Variants in SCTR observed in about 807,000 individuals in gnomAD.
SCTR encodes the protein secretin receptor.
In SCTR, 56 loss-of-function variants were observed where a neutral mutation model predicts 60.8. The ratio of observed to expected loss-of-function variants is 0.92; its 90% CI spans 0.74 to 1.15. The LOEUF (loss-of-function observed/expected upper bound fraction) is 1.15, where lower values mean the gene tolerates loss of function less well. SCTR is among the 50% of genes most tolerant of loss of function. The pLI is 0.00. For synonymous variants in SCTR, 202 were observed against 217.0 expected (o/e 0.93, Z 0.61); for missense variants, 562 against 550.4 (o/e 1.02, Z -0.21).
chr2:119,500,186 A>C (rs6728679), intron 1 of SCTR, among the ~76,000 whole-genome samples: 2 of 147,854 alleles, frequency 1.4e-5, no homozygotes, highest in African/African-American at 5.0e-5. Flanking sequence ...TAAAAAGTGT[A>C]GTCCTAAAAG....
In SCTR at chr2:119,504,367, C is replaced by T. The variant is rs544755908; in HGVS notation, c.73-9819G>A. Among the ~76,000 whole-genome samples, 38 of 152,066 alleles carry T rather than the reference C, an allele frequency of 2.5e-4. No individual in the cohort carries two copies. In the East Asian group the frequency reaches 5.0e-3, roughly 20 times the overall value. On this transcript the variant is annotated intron_variant, in intron 1 of 12. Transcript: ENST00000019103. ...CAGCACTTTGGGAGGCTGAGGCAGGCGGATCACCTGGGATCGGGAGTTCGA... is the reference window on the plus strand; with the variant it reads ...CAGCACTTTGGGAGGCTGAGGCAGGTGGATCACCTGGGATCGGGAGTTCGA...
At chr2:119,518,231 C>T (rs148617788) in intron 1 of SCTR, among the ~76,000 whole-genome samples, 1,939 of 152,116 alleles carry the variant, frequency 0.013, 23 homozygotes, top group South Asian at 0.045. Context: ...CTAAGACAGA[C>T]GGGAAGGAAA....
intron 1 of SCTR, among the ~76,000 whole-genome samples, chr2:119,521,956 A>C (rs1468928476): frequency 3.9e-5 from 6 of 152,212 alleles, no homozygotes; most frequent in Non-Finnish European, 5.9e-5. Context: ...ACTTATACAC[A>C]GGAAACCATC....
In SCTR at chr2:119,439,925, C is replaced by T. The variant is rs949662996; in HGVS notation, c.*192G>A. On this transcript the variant is annotated 3_prime_UTR_variant, in exon 13 of 13. Transcript: ENST00000019103. Reference sequence around the variant, plus strand: ...TCTCTTCCCAGAAGAGCAAACGAACCAAATCCCAGGCCCTTGTCCTGCCCC... The same window carrying T: ...TCTCTTCCCAGAAGAGCAAACGAACTAAATCCCAGGCCCTTGTCCTGCCCC... 1.7e-6 allele frequency: 1 copy of T among 582,766 alleles called. No individual in the cohort carries two copies. Among genetic ancestry groups the T allele is most frequent in the South Asian group, 2.6e-5 (1 of 38,112 alleles). The allele number at this position is 582,766 out of a possible 1,614,324, so 36.1% of individuals were successfully genotyped here.
intron 7 of SCTR, among the ~76,000 whole-genome samples, chr2:119,454,179 G>C (rs115228477): frequency 6.6e-6 from 1 of 152,130 alleles, no homozygotes; most frequent in African/African-American, 2.4e-5. Flanking sequence ...GGGCAATGCC[G>C]CTGGGGAAGT....
At chr2:119,440,437 T>C (rs568810343) in intron 12 of SCTR, among the ~76,000 whole-genome samples, 180 bp from the exon 13 acceptor site, 1 of 152,214 alleles carries the variant, frequency 6.6e-6, no homozygotes, top group East Asian at 1.9e-4. Flanking sequence ...CTACTGAGGG[T>C]CCCCTCTCTC....
At chr2:119,463,241 T>G (rs890144994) in intron 6 of SCTR, among the ~76,000 whole-genome samples, 1 of 152,160 alleles carries the variant, frequency 6.6e-6, no homozygotes, top group Non-Finnish European at 1.5e-5. Context: ...TGCGATTAAG[T>G]GTGGTTACAT....
chr2:119,491,869 G>A (rs1034167165), intron 2 of SCTR, among the ~76,000 whole-genome samples: 1 of 152,192 alleles, frequency 6.6e-6, no homozygotes, highest in Non-Finnish European at 1.5e-5. Flanking sequence ...TGGGGACAAT[G>A]GCAAAGGCTG....
In SCTR at chr2:119,473,507, G is replaced by A; in HGVS notation, c.351C>T (p.Pro117=). 6.2e-7 allele frequency: 1 copy of A among 1,614,098 alleles called. No individual in the cohort carries two copies. The highest frequency in any genetic ancestry group is 2.2e-5 in the East Asian group (1 of 44,890). ...CTQDGWSETF[P]RPNLACGVNV... Reference sequence around the variant, plus strand: ...TAACGCCACAGGCCAGATTAGGCCTGGGGAAGGTTTCTGACCAGCCATCCT... The same window carrying A: ...TAACGCCACAGGCCAGATTAGGCCTAGGGAAGGTTTCTGACCAGCCATCCT... The change falls in exon 4 of 13, where the codon CCC becomes CCT. Residue 117 remains proline, a synonymous_variant. Transcript: ENST00000019103.
chr2:119,444,477 ACG>A lies in SCTR; in HGVS notation c.1140+2280_1140+2281del, dbSNP rs1278818636. On this transcript the variant is annotated intron_variant, in intron 11 of 12. Transcript: ENST00000019103. ...CGTATATATATACACATATATACGT[ACG>A]TATATATATACACATATATACGTAC... Among the ~76,000 whole-genome samples the A allele has an allele frequency of 4.5e-5, 5 of 111,954 alleles. 2 individuals are homozygous for A. The highest frequency in any genetic ancestry group is 8.6e-5 in the Non-Finnish European group (5 of 58,328). The allele number at this position is 111,954 out of a possible 152,430, so 73.4% of individuals were successfully genotyped here. A position where few individuals can be genotyped will look rare whatever the true frequency, so the allele number is the denominator to read the frequency against.
intron 4 of SCTR, among the ~76,000 whole-genome samples, chr2:119,473,123 A>G (rs1210244025): frequency 6.6e-6 from 1 of 152,206 alleles, no homozygotes; most frequent in Non-Finnish European, 1.5e-5. Context: ...CAGACGCACC[A>G]GCCTTGCTCT....
chr2:119,495,013 C>A (rs1279596457), intron 1 of SCTR, among the ~76,000 whole-genome samples: 1 of 152,092 alleles, frequency 6.6e-6, no homozygotes, highest in African/African-American at 2.4e-5. Flanking sequence ...TAGCTCACTG[C>A]AGCCTTGATC....
chr2:119,504,036 A>G (rs899775873), intron 1 of SCTR, among the ~76,000 whole-genome samples: 2 of 152,222 alleles, frequency 1.3e-5, no homozygotes, highest in Non-Finnish European at 2.9e-5. Flanking sequence ...AGGTACAGTA[A>G]TCAAACAGGA....
intron 11 of SCTR, among the ~76,000 whole-genome samples, chr2:119,445,729 G>A (rs949007125): frequency 4.6e-5 from 7 of 152,082 alleles, no homozygotes; most frequent in Non-Finnish European, 7.4e-5. Context: ...GGCTTCTCCC[G>A]GCCGTTAGTT....
intron 1 of SCTR, among the ~76,000 whole-genome samples, chr2:119,509,487 G>A (rs1445322531): frequency 1.3e-5 from 2 of 152,122 alleles, no homozygotes; most frequent in Non-Finnish European, 2.9e-5. Flanking sequence ...ACTCTCTTGA[G>A]AGCAACAGAG....
At chr2:119,445,703 A>G (rs993260328) in intron 11 of SCTR, among the ~76,000 whole-genome samples, 2 of 152,224 alleles carry the variant, frequency 1.3e-5, no homozygotes, top group Non-Finnish European at 2.9e-5. Context: ...TCTCAGGCCT[A>G]GAGCCTATAA....
Position 119,440,194 on chromosome 2 carries a change from CG to C in SCTR, c.1245del (p.Val416TrpfsTer64). 1 of 1,614,048 alleles carries C rather than the reference CG, an allele frequency of 6.2e-7. No homozygotes were observed. On this transcript the variant is annotated frameshift_variant, in exon 13 of 13. Transcript: ENST00000019103. LOFTEE classifies it high-confidence loss of function. ...TTGGTGCTGTTGCTGAAGGAGGCCA[CG>C]GGGTGCAGTGGGAACTCACGGAGGT... ...QWHLREFPLH[P>X]VASFSNSTKA... is the part of the protein sequence containing the mutation.
intron 1 of SCTR, among the ~76,000 whole-genome samples, chr2:119,504,532 A>G (rs1285159139): frequency 6.6e-6 from 1 of 152,200 alleles, no homozygotes; most frequent in Middle Eastern, 3.2e-3. Context: ...TGGAGGTTGC[A>G]GTGAGCTAAG....
Position 119,465,870 on chromosome 2 carries a change from T to G in SCTR, c.422A>C (p.Lys141Thr), listed in dbSNP as rs757601051. The G allele has an allele frequency of 1.2e-6, 2 of 1,613,788 alleles. No homozygotes were observed. Among genetic ancestry groups the G allele is most frequent in the Admixed American group, 3.3e-5 (2 of 60,014 alleles). ...SNEKRHSYLLKLKVMYTVGYS... is the reference protein window; with the variant it reads ...SNEKRHSYLLTLKVMYTVGYS... ...GCCCACGGTGTACATGACTTTCAGC[T>G]TCAGCAGGTAGGAGTGCTGCAGAGA... The change falls in exon 5 of 13, where the codon AAG becomes ACG. Residue 141 changes from lysine (K) to threonine (T), a missense_variant. Lys to Thr is a moderately conservative substitution (Grantham distance 78). Transcript: ENST00000019103.
Sources: allele counts gnomAD v4.1 joint callset (sites outside exome capture counted in the v4.1 genomes callset), GRCh38; gene constraint gnomAD v4.1.1; transcripts MANE v1.5; gene names NCBI Gene and HGNC (gene_info 2026-07-23, HGNC 2026-07-21).